MAP3K7CL: variants seen among roughly 807,000 people sequenced by gnomAD.
The protein encoded by MAP3K7CL is MAP3K7 C-terminal-like protein.
Under a neutral mutation model 18.6 loss-of-function variants are expected in MAP3K7CL, and 16 were observed. That is an observed-to-expected ratio of 0.86 (90% CI 0.58 to 1.31). The LOEUF (loss-of-function observed/expected upper bound fraction) is 1.31, where lower values mean the gene tolerates loss of function less well. Among genes scored for constraint, MAP3K7CL ranks in the 50% most tolerant of loss-of-function variants. MAP3K7CL has a pLI of 0.00. For synonymous variants in MAP3K7CL, 65 were observed against 66.8 expected, an observed-to-expected ratio of 0.97 and a Z score of 0.13; for missense variants, 163 against 174.4, an observed-to-expected ratio of 0.93 and a Z score of 0.37.
intron 2 of MAP3K7CL, 27 bp from the exon 3 acceptor site, chr21:29,149,162 A>G: frequency 6.2e-7 from 1 of 1,604,452 alleles, no homozygotes. Context: ...CTCCATAGTG[A>G]AGAATCATTT....
intron 1 of MAP3K7CL, among the ~76,000 whole-genome samples, chr21:29,087,187 T>A (rs1046981364): frequency 1.1e-4 from 17 of 152,342 alleles, no homozygotes; most frequent in Non-Finnish European, 2.2e-4. Context: ...GGTTGATGCC[T>A]CCTTCAGGTC....
intron 2 of MAP3K7CL, among the ~76,000 whole-genome samples, chr21:29,147,582 T>C (rs1156969258): frequency 6.6e-6 from 1 of 151,906 alleles, no homozygotes; most frequent in African/African-American, 2.4e-5. Flanking sequence ...GTGTACTGTG[T>C]ATGTATCTGT....
chr21:29,167,060 C>T (rs1368849418), intron 4 of MAP3K7CL, among the ~76,000 whole-genome samples: 1 of 152,238 alleles, frequency 6.6e-6, no homozygotes, highest in Non-Finnish European at 1.5e-5. Context: ...TCTTTGCCAA[C>T]ACTTCTTGTG....
chr21:29,119,663 T>C (rs1458983159), intron 4 of MAP3K7CL, among the ~76,000 whole-genome samples: 1 of 31,708 alleles, frequency 3.2e-5, no homozygotes, highest in African/African-American at 1.4e-4. Context: ...ATCCTAAAAC[T>C]TTTTTTTTTT....
intron 2 of MAP3K7CL, among the ~76,000 whole-genome samples, chr21:29,135,984 A>G (rs1212004161): frequency 6.6e-6 from 1 of 152,146 alleles, no homozygotes; most frequent in African/African-American, 2.4e-5. Context: ...GTGTTTCTCA[A>G]CCTTGCCTGA....
At chr21:29,120,173 T>C (rs1443602432) in intron 4 of MAP3K7CL, among the ~76,000 whole-genome samples, 1 of 148,758 alleles carries the variant, frequency 6.7e-6, no homozygotes, top group Non-Finnish European at 1.5e-5. Context: ...GTTTCCAGTT[T>C]GGGGAATTTT....
At chr21:29,105,610 T>C (rs1389741256) in intron 4 of MAP3K7CL, among the ~76,000 whole-genome samples, 3 of 152,112 alleles carry the variant, frequency 2.0e-5, no homozygotes, top group Non-Finnish European at 1.5e-5. Context: ...GGAAAAAACA[T>C]ACCAGATAGA....
chr21:29,137,046 A>G (rs993549127), intron 2 of MAP3K7CL, among the ~76,000 whole-genome samples: 2 of 152,242 alleles, frequency 1.3e-5, no homozygotes, highest in Non-Finnish European at 2.9e-5. Context: ...GGGTTGTAAT[A>G]AGAAGCCAAT....
chr21:29,167,008 A>G (rs2087705214), intron 4 of MAP3K7CL, among the ~76,000 whole-genome samples: 1 of 152,178 alleles, frequency 6.6e-6, no homozygotes, highest in Non-Finnish European at 1.5e-5. Flanking sequence ...TTGACATTTT[A>G]TATTCTTGCC....
intron 4 of MAP3K7CL, among the ~76,000 whole-genome samples, chr21:29,165,217 G>A (rs893986871): frequency 2.0e-5 from 3 of 151,850 alleles, no homozygotes; most frequent in South Asian, 2.1e-4. Flanking sequence ...TTATTTTTTT[G>A]GTATGAAATA....
chr21:29,142,825 A>G (rs2087038461), intron 2 of MAP3K7CL, among the ~76,000 whole-genome samples: 1 of 152,250 alleles, frequency 6.6e-6, no homozygotes, highest in South Asian at 2.1e-4. Context: ...GAGGAAACTG[A>G]GTCTCAAGAA....
At chr21:29,136,122 A>G (rs1031006877) in intron 2 of MAP3K7CL, among the ~76,000 whole-genome samples, 2 of 152,252 alleles carry the variant, frequency 1.3e-5, no homozygotes, top group East Asian at 1.9e-4. Flanking sequence ...TGTTTTATGC[A>G]TATCACAAAT....
In MAP3K7CL at chr21:29,101,856, A is replaced by G. The variant is rs79675326; in HGVS notation, c.370+9275A>G. ...TTAACACATGTGCCAGTGTTAATCT[A>G]TTAACTAATAGTGACTTACTTTCAT... On this transcript the variant is annotated intron_variant, in intron 4 of 6. Coordinates refer to the MAP3K7CL transcript ENST00000286791. Among the ~76,000 whole-genome samples, 42 of 152,372 alleles carry G rather than the reference A, an allele frequency of 2.8e-4. 1 individual carries two copies. In the East Asian group the frequency reaches 8.1e-3, roughly 29 times the overall value.
intron 4 of MAP3K7CL, among the ~76,000 whole-genome samples, chr21:29,095,200 A>T (rs2086101372): frequency 6.6e-6 from 1 of 151,148 alleles, no homozygotes; most frequent in Non-Finnish European, 1.5e-5. Flanking sequence ...CTGCACCCAC[A>T]TGTATGCGTG....
At chr21:29,079,781 C>T (rs1479403086) in intron 1 of MAP3K7CL, among the ~76,000 whole-genome samples, 3 of 152,188 alleles carry the variant, frequency 2.0e-5, no homozygotes, top group Non-Finnish European at 2.9e-5. Context: ...CTACTTGAGG[C>T]TGTACTGGAG....
intron 4 of MAP3K7CL, among the ~76,000 whole-genome samples, chr21:29,119,431 T>G (rs2086556388): frequency 6.6e-6 from 1 of 152,162 alleles, no homozygotes; most frequent in South Asian, 2.1e-4. Flanking sequence ...CATTTCCTAT[T>G]CCTAATGGAG....
rs80182926 is a variant in MAP3K7CL at position 29,166,398 on chromosome 21, A to G, written c.248+6342A>G. 7.6e-3 allele frequency among the ~76,000 whole-genome samples: 1,157 copies of G among 152,330 alleles called. 9 individuals are homozygous for G. The highest frequency in any genetic ancestry group is 0.026 in the African/African-American group (1,060 of 41,560). ...ATAGATATATCACATTAAAAAATCTATTCTTCTGCTGATGGACACTTGGAC... is the reference window on the plus strand; with the variant it reads ...ATAGATATATCACATTAAAAAATCTGTTCTTCTGCTGATGGACACTTGGAC... On this transcript the variant is annotated intron_variant, in intron 4 of 4. Transcript: ENST00000399928.
At chr21:29,078,659 G>A (rs1231153573) in intron 1 of MAP3K7CL, among the ~76,000 whole-genome samples, 1 of 152,182 alleles carries the variant, frequency 6.6e-6, no homozygotes, top group Non-Finnish European at 1.5e-5. Context: ...TTGAGAGGCC[G>A]AGAACTGGGG....
At chr21:29,108,615 C>A (rs2086365540) in intron 4 of MAP3K7CL, among the ~76,000 whole-genome samples, 1 of 152,092 alleles carries the variant, frequency 6.6e-6, no homozygotes, top group South Asian at 2.1e-4. Context: ...TGCAGTATAC[C>A]TTACAGCATC....
Sources: allele counts gnomAD v4.1 joint callset (sites outside exome capture counted in the v4.1 genomes callset), GRCh38; gene constraint gnomAD v4.1.1; transcripts MANE v1.5; gene names NCBI Gene and HGNC (gene_info 2026-07-23, HGNC 2026-07-21).